The following PHLDB2 variants were observed in gnomAD, a reference collection of about 807,000 sequenced individuals.
PHLDB2 encodes pleckstrin homology-like domain family B member 2.
PHLDB2 carries 71 observed loss-of-function variants against 123.6 expected under a neutral mutation model. The ratio of observed to expected loss-of-function variants is 0.57; its 90% confidence interval spans 0.47 to 0.70. PHLDB2 has a LOEUF of 0.70. PHLDB2 is among the 30% of genes least tolerant of loss of function. The pLI is 0.00. For missense variants in PHLDB2, 1,446 were observed against 1,519.5 expected, an observed-to-expected ratio of 0.95 and a Z score of 0.80; for synonymous variants, 547 against 541.6, an observed-to-expected ratio of 1.01 and a Z score of -0.14.
At chr3:111,849,133 T>G (rs1359686817) in intron 2 of PHLDB2, among the ~76,000 whole-genome samples, 2 of 152,232 alleles carry the variant, frequency 1.3e-5, no homozygotes, top group East Asian at 3.8e-4. Flanking sequence ...ATACAGTGAA[T>G]CCATATACCC....
In PHLDB2 at chr3:111,932,205, C is replaced by G; in HGVS notation, c.2002-64C>G. On this transcript the variant is annotated intron_variant, in intron 5 of 17. Transcript: ENST00000431670. ...GTTTATGTTATCCTTGAGAAATGTT[C>G]ACTAGCACCTGCTTGGGGGTGTGAA... The G allele has an allele frequency of 8.7e-6, 13 of 1,501,260 alleles. No individual in the cohort carries two copies. The South Asian group carries it at 1.6e-4, about 19-fold the overall frequency. 93.0% of individuals were successfully genotyped at this position (1,501,260 alleles called of 1,614,324 possible).
chr3:111,774,001 A>G (rs1371182506), intron 1 of PHLDB2, among the ~76,000 whole-genome samples: 2 of 152,248 alleles, frequency 1.3e-5, no homozygotes, highest in Non-Finnish European at 2.9e-5. Flanking sequence ...AATGACATTT[A>G]GTTCATCTGT....
chr3:111,826,300 C>T (rs1016270884), intron 1 of PHLDB2, among the ~76,000 whole-genome samples: 1 of 151,542 alleles, frequency 6.6e-6, no homozygotes, highest in African/African-American at 2.4e-5. Context: ...CAGAGCAAGG[C>T]TTTGTCTCAA....
chr3:111,762,050 C>A (rs552532727), intron 1 of PHLDB2, among the ~76,000 whole-genome samples: 5 of 152,280 alleles, frequency 3.3e-5, no homozygotes, highest in African/African-American at 9.6e-5. Context: ...GGATGCCCCC[C>A]CAATCCCATC....
At chr3:111,920,573 T>G (rs2068438853) in intron 5 of PHLDB2, among the ~76,000 whole-genome samples, 154 bp downstream of exon 5, 1 of 152,208 alleles carries the variant, frequency 6.6e-6, no homozygotes, top group Non-Finnish European at 1.5e-5. Context: ...AGATCATACA[T>G]TGTCAGAAAC....
intron 2 of PHLDB2, among the ~76,000 whole-genome samples, chr3:111,847,925 T>A (rs947549786): frequency 1.3e-5 from 2 of 152,148 alleles, no homozygotes; most frequent in South Asian, 4.1e-4. Context: ...GGGAGTTGGA[T>A]GACTGGATCT....
At chr3:111,825,409 T>TA (rs1010154176) in intron 1 of PHLDB2, among the ~76,000 whole-genome samples, 8 of 151,886 alleles carry the variant, frequency 5.3e-5, no homozygotes, top group East Asian at 3.9e-4. Context: ...TACAGTAGAG[T>TA]AAAAAAAATA....
intron 1 of PHLDB2, among the ~76,000 whole-genome samples, chr3:111,813,776 A>G (rs2061950115): frequency 2.0e-5 from 3 of 152,214 alleles, no homozygotes; most frequent in Non-Finnish European, 4.4e-5. Flanking sequence ...ATTTGGATGC[A>G]TACAATTCAT....
chr3:111,806,452 T>G (rs1336890799), intron 1 of PHLDB2, among the ~76,000 whole-genome samples: 3 of 152,124 alleles, frequency 2.0e-5, no homozygotes, highest in Non-Finnish European at 2.9e-5. Context: ...GCTTCTTTCT[T>G]GCCTTCTTGA....
At chr3:111,907,641 G>A (rs6802641) in intron 2 of PHLDB2, among the ~76,000 whole-genome samples, 19,654 of 151,782 alleles carry the variant, frequency 0.13, 1,655 homozygotes, top group Non-Finnish European at 0.19. Flanking sequence ...GACTACAGGT[G>A]CCCACCACCG....
intron 1 of PHLDB2, among the ~76,000 whole-genome samples, chr3:111,830,955 GAGAA>G (rs1174297730): frequency 2.2e-4 from 14 of 63,694 alleles, no homozygotes; most frequent in East Asian, 1.2e-3. Flanking sequence ...AAGAAAGAAA[GAGAA>G]AGAAAGAAAG....
rs148559641 is a variant in PHLDB2 at position 111,780,956 on chromosome 3, A to G, written c.-49+48253A>G. Among the ~76,000 whole-genome samples the G allele has an allele frequency of 8.7e-3, 1,322 of 152,196 alleles. 12 individuals carry two copies. Among genetic ancestry groups the G allele is most frequent in the Non-Finnish European group, 0.015 (1,032 of 67,974 alleles). On this transcript the variant is annotated intron_variant, in intron 1 of 17. Coordinates refer to the PHLDB2 transcript ENST00000393923. ...TGATTTTCCCCCAAATCAAGCATAG[A>G]GCTATACATATAGTAGATGATTAAT... is the stretch of plus-strand genomic sequence containing the variant.
intron 1 of PHLDB2, among the ~76,000 whole-genome samples, chr3:111,827,685 CAAAAAAA>C (rs565813163): frequency 0.16 from 11,540 of 73,392 alleles, 1,182 homozygotes; most frequent in African/African-American, 0.34. Flanking sequence ...GAATCCGTCT[CAAAAAAA>C]AAAAAAAAAA....
intron 6 of PHLDB2, 121 bp from the exon 7 acceptor site, chr3:111,939,354 C>A (rs994620815): frequency 3.0e-5 from 30 of 1,013,266 alleles, no homozygotes; most frequent in Non-Finnish European, 3.7e-5. Flanking sequence ...ATGTTCTAAC[C>A]CTGGTCAATA....
chr3:111,782,385 T>C (rs953948370), intron 1 of PHLDB2, among the ~76,000 whole-genome samples: 11 of 152,010 alleles, frequency 7.2e-5, no homozygotes, highest in African/African-American at 2.7e-4. Flanking sequence ...GCGAGGATAG[T>C]AAAAAAGGAG....
At chr3:111,966,946 A>C (rs150420987) in intron 14 of PHLDB2, among the ~76,000 whole-genome samples, 1 of 150,462 alleles carries the variant, frequency 6.6e-6, no homozygotes, top group East Asian at 1.9e-4. Context: ...CGAAATGAAC[A>C]CTTTGTGTTT....
At chr3:111,842,541 C>T (rs1043827051) in intron 1 of PHLDB2, among the ~76,000 whole-genome samples, 7 of 152,136 alleles carry the variant, frequency 4.6e-5, no homozygotes, top group South Asian at 2.1e-4. Context: ...CAGTATCTTA[C>T]GGAGTATTTT....
At chr3:111,937,528 T>C (rs2069572679) in intron 6 of PHLDB2, among the ~76,000 whole-genome samples, 1 of 152,014 alleles carries the variant, frequency 6.6e-6, no homozygotes, top group South Asian at 2.1e-4. Flanking sequence ...CCCAGGTGAG[T>C]GGATCCATGT....
intron 1 of PHLDB2, among the ~76,000 whole-genome samples, chr3:111,810,471 C>T (rs1014917475): frequency 6.6e-6 from 1 of 152,088 alleles, no homozygotes; most frequent in Admixed American, 6.5e-5. Context: ...TTGCAGACAG[C>T]CCCCACTTTG....
Sources: allele counts gnomAD v4.1 joint callset (sites outside exome capture counted in the v4.1 genomes callset), GRCh38; gene constraint gnomAD v4.1.1; transcripts MANE v1.5; gene names NCBI Gene and HGNC (gene_info 2026-07-23, HGNC 2026-07-21).